Variants in OR7E24 observed in about 807,000 individuals in gnomAD.
OR7E24 encodes the protein olfactory receptor family 7 subfamily E member 24.
For missense variants in OR7E24, 385 were observed against 410.3 expected, an observed-to-expected ratio of 0.94 and a Z score of 0.53; for synonymous variants, 130 against 157.5, an observed-to-expected ratio of 0.83 and a Z score of 1.31.
At chr19:9,244,520 C>G (rs140581616), upstream of OR7E24, among the ~76,000 whole-genome samples, 25 of 152,330 alleles carry the variant, frequency 1.6e-4, no homozygotes, top group African/African-American at 6.0e-4. Context: ...AAGGTGGGTT[C>G]TTACCTTACA....
the OR7E24 span, chr19:9,235,319 T>C: frequency 4.7e-6 from 6 of 1,271,270 alleles, no homozygotes; most frequent in African/African-American, 1.5e-5. Context: ...CACAGCCCCA[T>C]GTAATTCTTC....
At chr19:9,218,102 C>G in the OR7E24 span, among the ~76,000 whole-genome samples, 2 of 152,170 alleles carry the variant, frequency 1.3e-5, no homozygotes, top group African/African-American at 2.4e-5. Flanking sequence ...TTTGTCTCAT[C>G]ATTTAACAAG....
chr19:9,238,964 A>G, the OR7E24 span, among the ~76,000 whole-genome samples: 2 of 152,138 alleles, frequency 1.3e-5, no homozygotes, highest in African/African-American at 4.8e-5. Flanking sequence ...ATGGTGATGA[A>G]TGCTGCCATG....
chr19:9,247,657 A>G (rs1234292000), upstream of OR7E24: 1 of 397,412 alleles, frequency 2.5e-6, no homozygotes, highest in Non-Finnish European at 4.4e-6. Flanking sequence ...GTTTATTTTC[A>G]GGGTTTATGT....
At chr19:9,214,765 G>C in the OR7E24 span, 2 of 1,614,018 alleles carry the variant, frequency 1.2e-6, no homozygotes, top group East Asian at 4.5e-5. Flanking sequence ...AAGAGGACGG[G>C]CTGCAGTTCA....
chr19:9,228,850 G>C, the OR7E24 span, among the ~76,000 whole-genome samples: 15 of 152,290 alleles, frequency 9.8e-5, no homozygotes, highest in African/African-American at 3.4e-4. Flanking sequence ...ACAATACAGT[G>C]CTTGTAGATA....
the OR7E24 span, among the ~76,000 whole-genome samples, chr19:9,215,394 TA>T: frequency 6.6e-6 from 1 of 151,582 alleles, no homozygotes; most frequent in Admixed American, 6.6e-5. Flanking sequence ...TCACCAGTTT[TA>T]ATTCCCCCAT....
the OR7E24 span, among the ~76,000 whole-genome samples, chr19:9,222,968 T>C: frequency 5.9e-5 from 9 of 152,228 alleles, no homozygotes; most frequent in Non-Finnish European, 1.2e-4. Context: ...TGTTGAGGTA[T>C]ATTCCTTCTA....
chr19:9,251,357 C>T lies in OR7E24; in HGVS notation c.314C>T (p.Thr105Ile). 6.2e-7 allele frequency: 1 copy of T among 1,614,048 alleles called. No individual in the cohort carries two copies. The highest frequency in any genetic ancestry group is 8.5e-7 in the Non-Finnish European group (1 of 1,179,946). ...TVPKMIVDMQ[T>I]HSRVISYEGC... Reference sequence around the variant, plus strand: ...CCCAAGATGATTGTGGACATGCAAACTCACAGCAGAGTCATCTCCTATGAA... The same window carrying T: ...CCCAAGATGATTGTGGACATGCAAATTCACAGCAGAGTCATCTCCTATGAA... The change falls in exon 1 of 1, where the codon ACT (threonine) becomes ATT (isoleucine). Residue 105 changes from threonine (T) to isoleucine (I), a missense_variant. Physicochemically the swap from Thr to Ile is moderately conservative, Grantham distance 89. Transcript: ENST00000456448.
the OR7E24 span, among the ~76,000 whole-genome samples, chr19:9,238,331 C>G: frequency 6.6e-6 from 1 of 152,174 alleles, no homozygotes; most frequent in Non-Finnish European, 1.5e-5. Context: ...TCTCATTGTG[C>G]TCTTGATTTC....
upstream of OR7E24, among the ~76,000 whole-genome samples, chr19:9,246,468 GTGTGTGT>G (rs1568335112): frequency 0.026 from 2,746 of 107,110 alleles, 26 homozygotes; most frequent in South Asian, 0.07. Flanking sequence ...TAAAGGTATT[GTGTGTGT>G]GTGTGTGTGT....
the OR7E24 span, among the ~76,000 whole-genome samples, chr19:9,227,754 T>C: frequency 7.1e-5 from 10 of 140,578 alleles, no homozygotes; most frequent in African/African-American, 2.7e-4. Context: ...TATTTCTTTT[T>C]TTTTTTTTTT....
the OR7E24 span, chr19:9,211,883 T>G: frequency 6.7e-6 from 1 of 148,464 alleles, no homozygotes; most frequent in African/African-American, 2.6e-5. Flanking sequence ...GACTCCCATT[T>G]CATTTTAAAA....
chr19:9,234,368 G>A, the OR7E24 span, among the ~76,000 whole-genome samples: 2 of 152,068 alleles, frequency 1.3e-5, no homozygotes, highest in South Asian at 2.1e-4. Flanking sequence ...TAATAATATC[G>A]ACAGCTATCA....
In OR7E24 at chr19:9,251,007, C is replaced by T. The variant is rs997733280; in HGVS notation, c.-37C>T. On this transcript the variant is annotated 5_prime_UTR_variant, in exon 1 of 1. Transcript: ENST00000456448. Reference sequence around the variant, plus strand: ...AACTTAATTTCTTAATTGCTTGTATCCAAAATATAGACACAGTGCTAGATG... The same window carrying T: ...AACTTAATTTCTTAATTGCTTGTATTCAAAATATAGACACAGTGCTAGATG... 4.1e-6 allele frequency: 6 copies of T among 1,448,010 alleles called. No homozygotes were observed. The African/African-American group carries it at 8.6e-5, about 21-fold the overall frequency. 89.7% of individuals were successfully genotyped at this position (1,448,010 alleles called of 1,614,324 possible). A position where few individuals can be genotyped will look rare whatever the true frequency, so the allele number is the denominator to read the frequency against.
upstream of OR7E24, among the ~76,000 whole-genome samples, chr19:9,246,434 C>T (rs1042730074): frequency 3.5e-5 from 5 of 144,398 alleles, no homozygotes; most frequent in African/African-American, 1.0e-4. Flanking sequence ...TTGCCATTTA[C>T]GTGGGATAAA....
the OR7E24 span, among the ~76,000 whole-genome samples, chr19:9,228,487 C>T: frequency 6.6e-6 from 1 of 152,230 alleles, no homozygotes; most frequent in South Asian, 2.1e-4. Flanking sequence ...CTAAAAACTT[C>T]ATAGTTGGTG....
chr19:9,249,668 C>T (rs1568335715), upstream of OR7E24, among the ~76,000 whole-genome samples: 2 of 152,078 alleles, frequency 1.3e-5, no homozygotes, highest in Non-Finnish European at 2.9e-5. Context: ...TTAACATTAC[C>T]TTGGCCAGGC....
At chr19:9,217,642 G>A in the OR7E24 span, among the ~76,000 whole-genome samples, 4 of 152,070 alleles carry the variant, frequency 2.6e-5, no homozygotes, top group Admixed American at 2.0e-4. Context: ...AGGTTCAAGC[G>A]ATTCTCCTGT....
Sources: allele counts gnomAD v4.1 joint callset (sites outside exome capture counted in the v4.1 genomes callset), GRCh38; gene constraint gnomAD v4.1.1; transcripts MANE v1.5; gene names NCBI Gene and HGNC (gene_info 2026-07-23, HGNC 2026-07-21).